Variants in KIDINS220 observed in about 807,000 individuals in gnomAD.
KIDINS220 encodes the protein kinase D interacting substrate 220.
Under a neutral mutation model 157.6 loss-of-function variants are expected in KIDINS220, and 63 were observed. The ratio of observed to expected loss-of-function variants is 0.40; its 90% CI spans 0.33 to 0.49. The LOEUF is 0.49. Ranked by LOEUF, KIDINS220 falls within the 20% of genes least tolerant of loss-of-function variation. The pLI is 0.66. For synonymous variants in KIDINS220, 732 were observed against 783.6 expected (o/e 0.93, Z 1.10); for missense variants, 1,772 against 2,171.2 (o/e 0.82, Z 3.65).
chr2:8,810,792 A>AC (rs1676189305), intron 6 of KIDINS220, among the ~76,000 whole-genome samples: 1 of 152,158 alleles, frequency 6.6e-6, no homozygotes, highest in African/African-American at 2.4e-5. Flanking sequence ...TCAAAAAAAA[A>AC]CAAAAATTCC....
chr2:8,809,538 C>T (rs1212064957), intron 6 of KIDINS220, among the ~76,000 whole-genome samples: 1 of 151,652 alleles, frequency 6.6e-6, no homozygotes, highest in South Asian at 2.1e-4. Flanking sequence ...TAATAATCAG[C>T]CCTTTGCTCA....
chr2:8,735,118 T>A (rs1027979752), intron 27 of KIDINS220, among the ~76,000 whole-genome samples: 3 of 152,232 alleles, frequency 2.0e-5, no homozygotes, highest in Non-Finnish European at 4.4e-5. Context: ...CAAAGACATC[T>A]GTTCTCATAA....
At chr2:8,761,888 AT>A (rs1353186222) in intron 22 of KIDINS220, among the ~76,000 whole-genome samples, 1 of 152,172 alleles carries the variant, frequency 6.6e-6, no homozygotes, top group Non-Finnish European at 1.5e-5. Context: ...TTATTCTTGT[AT>A]TTTAAAAAGT....
intron 20 of KIDINS220, among the ~76,000 whole-genome samples, chr2:8,778,027 G>C (rs867545392): frequency 1.3e-5 from 2 of 152,284 alleles, no homozygotes; most frequent in Middle Eastern, 3.4e-3. Context: ...CAACTTCACT[G>C]AGTGTGAGTG....
At chr2:8,834,294 C>T (rs12470095) in intron 1 of KIDINS220, among the ~76,000 whole-genome samples, 33,897 of 151,630 alleles carry the variant, frequency 0.22, 4,412 homozygotes, top group Middle Eastern at 0.33. Flanking sequence ...AGGGCCAAGG[C>T]CTTGCTTGAT....
intron 4 of KIDINS220, among the ~76,000 whole-genome samples, chr2:8,816,865 A>G (rs1051386656): frequency 3.3e-5 from 5 of 152,246 alleles, no homozygotes; most frequent in Non-Finnish European, 4.4e-5. Context: ...GAGAACAAAT[A>G]TAAGATTATA....
chr2:8,803,884 T>A (rs2148334629), intron 7 of KIDINS220, among the ~76,000 whole-genome samples: 1 of 152,174 alleles, frequency 6.6e-6, no homozygotes, highest in East Asian at 1.9e-4. Flanking sequence ...AGAATGTGAC[T>A]CACTACCAGA....
At chr2:8,742,050 G>T (rs910897881) in intron 26 of KIDINS220, among the ~76,000 whole-genome samples, 9 of 152,048 alleles carry the variant, frequency 5.9e-5, no homozygotes, top group Non-Finnish European at 1.3e-4. Context: ...TCTTGTCCAC[G>T]TCTTCTCCTG....
intron 22 of KIDINS220, among the ~76,000 whole-genome samples, chr2:8,758,710 C>T (rs540047575): frequency 2.0e-4 from 31 of 152,158 alleles, no homozygotes; most frequent in African/African-American, 7.2e-4. Context: ...CCATAAATTT[C>T]CCTCTGAGTA....
chr2:8,757,316 A>G (rs1558355815), intron 22 of KIDINS220: 1 of 1,023,524 alleles, frequency 9.8e-7, no homozygotes, highest in Non-Finnish European at 1.2e-6. Context: ...AACATAGAAC[A>G]CAATTGGCTC....
intron 22 of KIDINS220, among the ~76,000 whole-genome samples, 164 bp from the exon 23 acceptor site, chr2:8,751,808 G>A (rs554382731): frequency 4.5e-4 from 68 of 151,250 alleles, no homozygotes; most frequent in Non-Finnish European, 7.5e-4. Flanking sequence ...AGGTTCAAGC[G>A]ATTCTCCTGC....
intron 2 of KIDINS220, among the ~76,000 whole-genome samples, chr2:8,819,983 A>G (rs1677684538): frequency 6.6e-6 from 1 of 152,226 alleles, no homozygotes; most frequent in Non-Finnish European, 1.5e-5. Flanking sequence ...CTACATGTAT[A>G]TTAGTATGGA....
Position 8,788,732 on chromosome 2 carries a change from T to A in KIDINS220, c.1702A>T (p.Ile568Phe), listed in dbSNP as rs764748480. ...TTAAGGAGGAGTTCCAAATATCCAA[T>A]ATGTCTTGCCAATCTAGTGCTGAGG... ...WVLSTRLARHIGYLELLLKLM... is the reference protein window; with the variant it reads ...WVLSTRLARHFGYLELLLKLM... Residue 568 changes from isoleucine (I) to phenylalanine (F), a missense_variant, in exon 15 of 30, where the codon ATT (isoleucine) becomes TTT (phenylalanine). This residue lies in a region of KIDINS220 where 725 missense variants were observed against 1,017.1 expected (regional missense o/e 0.71). Transcript: ENST00000256707. The A allele has an allele frequency of 6.2e-7, 1 of 1,614,000 alleles. No individual in the cohort carries two copies. The highest frequency in any genetic ancestry group is 1.3e-5 in the African/African-American group (1 of 74,916).
At chr2:8,739,706 TTATC>T (rs1244991455) in intron 26 of KIDINS220, among the ~76,000 whole-genome samples, 1 of 152,226 alleles carries the variant, frequency 6.6e-6, no homozygotes, top group Non-Finnish European at 1.5e-5. Context: ...CTTATTGAAA[TTATC>T]TAAGTCAAGA....
intron 7 of KIDINS220, 102 bp from the exon 8 acceptor site, chr2:8,803,229 T>A (rs1674972981): frequency 4.0e-6 from 4 of 991,632 alleles, no homozygotes; most frequent in Non-Finnish European, 5.8e-6. Context: ...ACTAATGTTT[T>A]CAAATAGGTG....
At chr2:8,808,054 G>A (rs144527947) in intron 6 of KIDINS220, among the ~76,000 whole-genome samples, 1 of 152,092 alleles carries the variant, frequency 6.6e-6, no homozygotes, top group Non-Finnish European at 1.5e-5. Context: ...AACCTAAGAG[G>A]TGGAGGTCGC....
intron 2 of KIDINS220, among the ~76,000 whole-genome samples, chr2:8,822,719 T>C (rs1678177322): frequency 6.6e-6 from 1 of 152,188 alleles, no homozygotes; most frequent in Non-Finnish European, 1.5e-5. Context: ...GGGAAAAAAA[T>C]GACCAGCCTC....
chr2:8,786,419 T>C, intron 15 of KIDINS220, 62 bp from the exon 16 acceptor site: 2 of 1,287,086 alleles, frequency 1.6e-6, no homozygotes, highest in South Asian at 1.3e-5. Flanking sequence ...AACTTCAATG[T>C]ATGTCATCTT....
In KIDINS220 at chr2:8,747,203, TAAC is replaced by T; in HGVS notation, c.3529-5_3529-3del. 1 of 1,613,978 alleles carries T rather than the reference TAAC, an allele frequency of 6.2e-7. No individual in the cohort carries two copies. Among genetic ancestry groups the T allele is most frequent in the East Asian group, 2.2e-5 (1 of 44,876 alleles). On this transcript the variant is annotated splice_polypyrimidine_tract_variant and splice_region_variant and intron_variant, in intron 25 of 29. Transcript: ENST00000256707. ...AGCAGCATCCTCCTTGATAACTTCCTAACAACACAAAACAGGAGAGTGTGGGTG... is the reference window on the plus strand; with the variant it reads ...AGCAGCATCCTCCTTGATAACTTCCTAACACAAAACAGGAGAGTGTGGGTG...
Sources: allele counts gnomAD v4.1 joint callset (sites outside exome capture counted in the v4.1 genomes callset), GRCh38; gene constraint gnomAD v4.1.1; regional missense constraint gnomAD v4.1.1; transcripts MANE v1.5; gene names NCBI Gene and HGNC (gene_info 2026-07-23, HGNC 2026-07-21).